Variants in MGAM2 observed in about 807,000 individuals in gnomAD.
MGAM2 encodes the protein probable maltase-glucoamylase 2.
A neutral mutation model predicts 96.1 loss-of-function variants in MGAM2; 98 were observed. That is an observed-to-expected ratio of 1.02 (90% CI 0.87 to 1.21). The LOEUF (loss-of-function observed/expected upper bound fraction) is 1.21. Ranked by LOEUF, MGAM2 falls within the 50% of genes most tolerant of loss-of-function variation. The probability of loss-of-function intolerance (pLI) is 0.00; values close to 1 mark genes in which losing one functional copy is unlikely to be tolerated. For synonymous variants in MGAM2, 749 were observed against 414.8 expected, an observed-to-expected ratio of 1.81 and a Z score of -9.79; for missense variants, 2,055 against 1,182.4, an observed-to-expected ratio of 1.74 and a Z score of -10.82.
chr7:142,143,449 A>T (rs1795293002), intron 12 of MGAM2, among the ~76,000 whole-genome samples: 1 of 152,218 alleles, frequency 6.6e-6, no homozygotes, highest in Admixed American at 6.5e-5. Flanking sequence ...CTCTTGAAAA[A>T]TAATATATAG....
intron 3 of MGAM2, among the ~76,000 whole-genome samples, chr7:142,122,197 C>T (rs970793873): frequency 2.6e-5 from 4 of 152,142 alleles, no homozygotes; most frequent in Non-Finnish European, 5.9e-5. Flanking sequence ...TTATCCCACA[C>T]TTCATTCATC....
chr7:142,145,814 C>T (rs1248656485), intron 14 of MGAM2, among the ~76,000 whole-genome samples: 2 of 152,030 alleles, frequency 1.3e-5, no homozygotes, highest in Admixed American at 1.3e-4. Context: ...CCCAATTGGC[C>T]CACATTTCTT....
At chr7:142,208,481 A>C (rs977317002) in intron 45 of MGAM2, 92 bp from the exon 46 acceptor site, 2 of 684,322 alleles carry the variant, frequency 2.9e-6, no homozygotes, top group Non-Finnish European at 5.3e-6. Context: ...CTGTGACCCC[A>C]TTGAGAGTGT....
At position 142,131,543 on chromosome 7, in the gene MGAM2, G is replaced by A. The variant is rs1051656651; in HGVS notation, c.336G>A (p.Leu112=). 2.1e-5 allele frequency: 15 copies of A among 702,956 alleles called. No individual in the cohort carries two copies. Among genetic ancestry groups the A allele is most frequent in the Non-Finnish European group, 3.1e-5 (12 of 384,940 alleles). 43.5% of individuals were successfully genotyped at this position (702,956 alleles called of 1,614,324 possible). A position where few individuals can be genotyped will look rare whatever the true frequency, so the allele number is the denominator to read the frequency against. ...GATTTACTGCCCAGTTGAAAAGGTT[G>A]CCATCACCATCTCTGTTTGGAAATG... The part of the protein sequence containing the change: ...STGFTAQLKR[L]PSPSLFGNDV... The change falls in exon 5 of 48, where the codon TTG becomes TTA. Residue 112 remains leucine (L), a synonymous_variant. Transcript: ENST00000477922.
At position 142,141,050 on chromosome 7, in the gene MGAM2, C is replaced by T. The variant is rs549297711; in HGVS notation, c.1248C>T (p.Tyr416=). 55 of 701,498 alleles carry T rather than the reference C, an allele frequency of 7.8e-5. No homozygotes were observed. Among genetic ancestry groups the T allele is most frequent in the Middle Eastern group, 2.3e-4 (1 of 4,366 alleles). 43.5% of individuals were successfully genotyped at this position (701,498 alleles called of 1,614,324 possible). A position where few individuals can be genotyped will look rare whatever the true frequency, so the allele number is the denominator to read the frequency against. Residue 416 remains tyrosine, a synonymous_variant, in exon 12 of 48, where the codon TAC becomes TAT. Transcript: ENST00000477922. ...MNPGISKNSN[Y]EPYNNGSLKR... is the part of the protein sequence containing the mutation. ...CTGGCATCTCCAAAAACTCTAACTA[C>T]GAGCCCTATAATAATGGAAGCCTAA...
intron 36 of MGAM2, among the ~76,000 whole-genome samples, 179 bp downstream of exon 36, chr7:142,188,013 G>A (rs921422328): frequency 6.6e-6 from 1 of 151,856 alleles, no homozygotes; most frequent in East Asian, 1.9e-4. Context: ...AAGAAATAAT[G>A]ACATGATGTG....
At position 142,147,593 on chromosome 7, in the gene MGAM2, C is replaced by A. The variant is rs1475832766; in HGVS notation, c.1634+20C>A. 4 of 697,268 alleles carry A rather than the reference C, an allele frequency of 5.7e-6. No individual in the cohort carries two copies. The highest frequency in any genetic ancestry group is 1.0e-5 in the Non-Finnish European group (4 of 382,502). 43.2% of individuals were successfully genotyped at this position (697,268 alleles called of 1,614,324 possible). A position where few individuals can be genotyped will look rare whatever the true frequency, so the allele number is the denominator to read the frequency against. ...AAACTTGTAAGGACTTGGTTTTCAC[C>A]CTAATTCCAGATATGTGGAGGTGGG... On this transcript the variant is annotated intron_variant, in intron 15 of 47. Coordinates refer to ENST00000477922, the MANE Select transcript of MGAM2 (RefSeq NM_001293626.2).
At chr7:142,192,526 G>C (rs760761847) in intron 37 of MGAM2, among the ~76,000 whole-genome samples, 2 of 152,168 alleles carry the variant, frequency 1.3e-5, no homozygotes, top group African/African-American at 2.4e-5. Flanking sequence ...GGATAATCCA[G>C]AAAGTCTTCA....
At chr7:142,192,023 G>A (rs1796886631) in intron 37 of MGAM2, among the ~76,000 whole-genome samples, 1 of 152,012 alleles carries the variant, frequency 6.6e-6, no homozygotes, top group African/African-American at 2.4e-5. Context: ...TTTCAGACTT[G>A]TTCTTTAGTT....
At chr7:142,197,028 T>C (rs1585208421) in intron 40 of MGAM2, among the ~76,000 whole-genome samples, 1 of 152,166 alleles carries the variant, frequency 6.6e-6, no homozygotes, top group South Asian at 2.1e-4. Flanking sequence ...TTACTACCCA[T>C]GAGGAAAGGT....
At chr7:142,144,771 A>G in intron 13 of MGAM2, 90 bp from the exon 14 acceptor site, 1 of 596,060 alleles carries the variant, frequency 1.7e-6, no homozygotes, top group Non-Finnish European at 3.0e-6. Flanking sequence ...AGGGACCCAG[A>G]TATCCTGGCT....
At chr7:142,174,366 A>G (rs1478304100) in intron 31 of MGAM2, among the ~76,000 whole-genome samples, 1 of 152,096 alleles carries the variant, frequency 6.6e-6, no homozygotes, top group Non-Finnish European at 1.5e-5. Context: ...AGTGGTTTGT[A>G]GTTCTCCTTG....
At position 142,123,963 on chromosome 7, in the gene MGAM2, CTTTTTTTT is replaced by C. The variant is rs960655956; in HGVS notation, c.186+3602_186+3609del. ...ATGGTATCAGGTAAGAGTCCAGAAA[CTTTTTTTT>C]TTTTTTTTTTTTTTTTTTTGAGACG... On this transcript the variant is annotated intron_variant, in intron 3 of 47. Transcript: ENST00000477922. 9.2e-5 allele frequency among the ~76,000 whole-genome samples: 9 copies of C among 98,098 alleles called. No homozygotes were observed. In the South Asian group the frequency reaches 9.7e-4, roughly 11 times the overall value. 64.4% of individuals were successfully genotyped at this position (98,098 alleles called of 152,430 possible). A position where few individuals can be genotyped will look rare whatever the true frequency, so the allele number is the denominator to read the frequency against.
intron 46 of MGAM2, among the ~76,000 whole-genome samples, chr7:142,210,738 G>A (rs1797556645): frequency 6.6e-6 from 1 of 152,226 alleles, no homozygotes; most frequent in Non-Finnish European, 1.5e-5. Flanking sequence ...GACACCTGGG[G>A]GAAGGGGCTG....
intron 24 of MGAM2, among the ~76,000 whole-genome samples, chr7:142,165,288 C>T (rs748383403): frequency 2.0e-5 from 3 of 152,130 alleles, no homozygotes; most frequent in Non-Finnish European, 4.4e-5. Context: ...AAATGAGACA[C>T]TCTGATCCCA....
Position 142,218,357 on chromosome 7 carries a change from A to G in MGAM2, c.5188-4A>G. The stretch of plus-strand genomic sequence containing the variant: ...ATTCTTTTCTCTTTATAAATTCTTT[A>G]TAGAACATCCTGCAAATCCAGACCA... On this transcript the variant is annotated splice_region_variant and splice_polypyrimidine_tract_variant and intron_variant, in intron 46 of 47. Coordinates refer to ENST00000477922, the MANE Select transcript of MGAM2 (RefSeq NM_001293626.2). 1 of 680,572 alleles carries G rather than the reference A, an allele frequency of 1.5e-6. No homozygotes were observed. Among genetic ancestry groups the G allele is most frequent in the Admixed American group, 2.1e-5 (1 of 46,726 alleles). 42.2% of individuals were successfully genotyped at this position (680,572 alleles called of 1,614,324 possible). A position where few individuals can be genotyped will look rare whatever the true frequency, so the allele number is the denominator to read the frequency against.
chr7:142,114,002 G>A (rs1237695387), intron 1 of MGAM2, among the ~76,000 whole-genome samples: 2 of 151,756 alleles, frequency 1.3e-5, no homozygotes, highest in East Asian at 1.9e-4. Flanking sequence ...ATGATGGCGG[G>A]TGCCTGTAGT....
chr7:142,147,623 G>A, intron 15 of MGAM2, 50 bp downstream of exon 15: 2 of 661,300 alleles, frequency 3.0e-6, no homozygotes, highest in Non-Finnish European at 5.4e-6. Context: ...GGTGGGAGGT[G>A]GAGGTGGAGG....
intron 46 of MGAM2, among the ~76,000 whole-genome samples, chr7:142,215,232 A>C (rs1032748376): frequency 6.6e-6 from 1 of 152,166 alleles, no homozygotes; most frequent in African/African-American, 2.4e-5. Flanking sequence ...GTTGTCACTC[A>C]TATGTGGGAG....
Sources: gnomAD v4.1 joint callset for allele counts (sites outside exome capture counted in the v4.1 genomes callset) on GRCh38, gnomAD v4.1.1 for gene constraint, MANE v1.5 for transcripts, NCBI Gene and HGNC (gene_info 2026-07-23, HGNC 2026-07-21) for gene names.